The following SHISA9 variants were observed in gnomAD, a reference collection of about 807,000 sequenced individuals.
The protein encoded by SHISA9 is shisa family member 9, also known as protein shisa-9.
SHISA9 carries 13 observed loss-of-function variants against 38.0 expected under a neutral mutation model. The observed-to-expected ratio is 0.34, with a 90% CI of 0.22 to 0.54. SHISA9 has a LOEUF of 0.54. Ranked by LOEUF, SHISA9 falls within the 20% of genes least tolerant of loss-of-function variation. The pLI is 0.91. For missense variants in SHISA9, 538 were observed against 575.8 expected (o/e 0.93, Z 0.67); for synonymous variants, 275 against 242.0 (o/e 1.14, Z -1.27).
At chr16:13,002,301 T>G (rs1027743843) in intron 2 of SHISA9, among the ~76,000 whole-genome samples, 3 of 152,168 alleles carry the variant, frequency 2.0e-5, no homozygotes, top group African/African-American at 7.2e-5. Context: ...ACAGTGACCT[T>G]TTATTGATCC....
At chr16:13,041,280 C>G (rs1308270883) in intron 2 of SHISA9, among the ~76,000 whole-genome samples, 128 of 152,188 alleles carry the variant, frequency 8.4e-4, no homozygotes, top group Non-Finnish European at 4.4e-5. Context: ...CTTGAACAAC[C>G]TGATCTCTCT....
At chr16:12,916,570 A>C in intron 1 of SHISA9, 118 bp from the exon 2 acceptor site, 1 of 1,217,296 alleles carries the variant, frequency 8.2e-7, no homozygotes, top group Non-Finnish European at 1.1e-6. Flanking sequence ...CCTAACTAGA[A>C]TGGTGGCTCC....
chr16:13,519,413 G>C, the SHISA9 span, among the ~76,000 whole-genome samples: 1 of 152,184 alleles, frequency 6.6e-6, no homozygotes, highest in Non-Finnish European at 1.5e-5. Context: ...CGGGTGATGG[G>C]TAGATGGCTT....
chr16:13,036,475 G>A (rs540031972), intron 2 of SHISA9, among the ~76,000 whole-genome samples: 3 of 152,184 alleles, frequency 2.0e-5, no homozygotes, highest in South Asian at 2.1e-4. Context: ...CAGAGGTTGG[G>A]GGGTTATTAA....
At chr16:13,461,471 C>A in the SHISA9 span, among the ~76,000 whole-genome samples, 1 of 151,710 alleles carries the variant, frequency 6.6e-6, no homozygotes, top group South Asian at 2.1e-4. Context: ...CCCAGCTACT[C>A]GTGAGGCTGA....
chr16:13,272,104 A>G, the SHISA9 span, among the ~76,000 whole-genome samples: 2 of 151,666 alleles, frequency 1.3e-5, no homozygotes, highest in Non-Finnish European at 2.9e-5. Context: ...AGAGAGAGAA[A>G]ATGTTCTAAA....
At chr16:13,154,568 A>G (rs2050526736) in intron 2 of SHISA9, among the ~76,000 whole-genome samples, 1 of 152,218 alleles carries the variant, frequency 6.6e-6, no homozygotes, top group East Asian at 1.9e-4. Context: ...CAGGCAATGT[A>G]TGAGAGAGAA....
At chr16:13,105,400 C>T (rs1264230887) in intron 2 of SHISA9, among the ~76,000 whole-genome samples, 3 of 152,192 alleles carry the variant, frequency 2.0e-5, no homozygotes, top group African/African-American at 7.2e-5. Flanking sequence ...GGCCATCACC[C>T]TCCCTCCCAC....
At chr16:13,120,905 T>C (rs575768763) in intron 2 of SHISA9, among the ~76,000 whole-genome samples, 1 of 152,154 alleles carries the variant, frequency 6.6e-6, no homozygotes, top group East Asian at 1.9e-4. Context: ...AGAACTTTTT[T>C]TAAGCTACTC....
the SHISA9 span, among the ~76,000 whole-genome samples, chr16:13,348,962 A>G: frequency 6.6e-6 from 1 of 152,062 alleles, no homozygotes; most frequent in Non-Finnish European, 1.5e-5. Context: ...AGTGGCCCAC[A>G]GAGTCATTTC....
At chr16:13,019,916 T>C (rs1396452657) in intron 2 of SHISA9, among the ~76,000 whole-genome samples, 7 of 79,614 alleles carry the variant, frequency 8.8e-5, no homozygotes, top group Non-Finnish European at 1.5e-4. Flanking sequence ...TCTTTCTTTC[T>C]TTCTTTCTTT....
At chr16:13,198,995 T>C (rs952479209) in intron 2 of SHISA9, among the ~76,000 whole-genome samples, 33 of 152,330 alleles carry the variant, frequency 2.2e-4, no homozygotes, top group African/African-American at 7.7e-4. Context: ...GCAAATACTT[T>C]ATAATGGAAT....
intron 2 of SHISA9, among the ~76,000 whole-genome samples, chr16:13,100,744 G>A (rs896154871): frequency 1.8e-4 from 28 of 152,190 alleles, no homozygotes; most frequent in African/African-American, 6.5e-4. Flanking sequence ...TTTCGCTCTT[G>A]TTGCCCAGGC....
At chr16:12,912,026 G>T (rs1428213016) in intron 1 of SHISA9, among the ~76,000 whole-genome samples, 1 of 152,198 alleles carries the variant, frequency 6.6e-6, no homozygotes, top group Non-Finnish European at 1.5e-5. Flanking sequence ...TCCCAGCGAC[G>T]GGACTGCTGG....
the SHISA9 span, among the ~76,000 whole-genome samples, chr16:13,555,300 T>C: frequency 3.3e-5 from 5 of 152,140 alleles, no homozygotes; most frequent in South Asian, 6.2e-4. Context: ...CAACATTTTT[T>C]CTGGGCTTAT....
the SHISA9 span, among the ~76,000 whole-genome samples, chr16:13,393,652 G>C: frequency 6.6e-6 from 1 of 152,162 alleles, no homozygotes; most frequent in Admixed American, 6.5e-5. Flanking sequence ...GTTGGCTAGA[G>C]AATGGAGGAG....
intron 2 of SHISA9, among the ~76,000 whole-genome samples, chr16:12,947,671 A>G (rs1361997079): frequency 6.6e-6 from 1 of 152,156 alleles, no homozygotes; most frequent in Admixed American, 6.5e-5. Context: ...TCAGTTTTAA[A>G]TATTCGATGC....
chr16:13,484,611 ACTAC>A, the SHISA9 span, among the ~76,000 whole-genome samples: 2 of 152,160 alleles, frequency 1.3e-5, no homozygotes, highest in African/African-American at 4.8e-5. Flanking sequence ...GCTGTAAAAA[ACTAC>A]CTGAGACTGG....
At chr16:13,550,655 T>C in the SHISA9 span, among the ~76,000 whole-genome samples, 1 of 152,214 alleles carries the variant, frequency 6.6e-6, no homozygotes, top group Admixed American at 6.5e-5. Flanking sequence ...CTTTTAAAAA[T>C]AGCTTCCCTA....
Sources: gnomAD v4.1 joint callset for allele counts (sites outside exome capture counted in the v4.1 genomes callset) on GRCh38, gnomAD v4.1.1 for gene constraint, MANE v1.5 for transcripts, NCBI Gene and HGNC (gene_info 2026-07-23, HGNC 2026-07-21) for gene names.